The following TECRL variants were observed in gnomAD, a reference collection of about 807,000 sequenced individuals.
TECRL encodes the protein trans-2,3-enoyl-CoA reductase like.
TECRL carries 63 observed loss-of-function variants against 52.8 expected under a neutral mutation model. That is an observed-to-expected ratio of 1.19 (90% CI 0.97 to 1.47). TECRL has a LOEUF of 1.47. Ranked by LOEUF, TECRL falls within the 40% of genes most tolerant of loss-of-function variation. The probability of loss-of-function intolerance (pLI) is 0.00; values close to 1 mark genes in which losing one functional copy is unlikely to be tolerated. For synonymous variants in TECRL, 164 were observed against 141.9 expected (o/e 1.16, Z -1.10); for missense variants, 482 against 429.6 (o/e 1.12, Z -1.08).
chr4:64,399,101 T>A (rs1250060388), intron 1 of TECRL, among the ~76,000 whole-genome samples: 1 of 151,982 alleles, frequency 6.6e-6, no homozygotes, highest in East Asian at 2.0e-4. Context: ...ATGGTTTTAG[T>A]TTCTGTCTTC....
intron 6 of TECRL, among the ~76,000 whole-genome samples, chr4:64,306,499 C>T (rs1724349348): frequency 1.3e-5 from 2 of 152,088 alleles, no homozygotes; most frequent in African/African-American, 4.8e-5. Flanking sequence ...ATCATCGTTG[C>T]TCTCCCTTCT....
chr4:64,371,712 T>C (rs1199676351), intron 2 of TECRL, among the ~76,000 whole-genome samples: 1 of 151,776 alleles, frequency 6.6e-6, no homozygotes, highest in African/African-American at 2.4e-5. Flanking sequence ...AGCCACTTTA[T>C]AAAATCAACT....
intron 2 of TECRL, among the ~76,000 whole-genome samples, chr4:64,368,727 C>A (rs569361724): frequency 6.6e-6 from 1 of 152,070 alleles, no homozygotes; most frequent in African/African-American, 2.4e-5. Flanking sequence ...ATTTTTCTGG[C>A]TTTTTTTGTT....
At chr4:64,294,759 G>T (rs941720940) in intron 8 of TECRL, among the ~76,000 whole-genome samples, 8 of 151,704 alleles carry the variant, frequency 5.3e-5, no homozygotes, top group Admixed American at 5.3e-4. Flanking sequence ...TTTATCTATA[G>T]CAACAATAAT....
chr4:64,383,014 T>C (rs1722927873), intron 1 of TECRL, among the ~76,000 whole-genome samples: 1 of 152,176 alleles, frequency 6.6e-6, no homozygotes, highest in Non-Finnish European at 1.5e-5. Flanking sequence ...ATCTGGGAAA[T>C]GCCTTATTTG....
chr4:64,391,489 C>T (rs1230423482), intron 1 of TECRL, among the ~76,000 whole-genome samples: 1 of 151,830 alleles, frequency 6.6e-6, no homozygotes, highest in Non-Finnish European at 1.5e-5. Context: ...ACTGTGTCTA[C>T]CCCATTAATA....
intron 6 of TECRL, among the ~76,000 whole-genome samples, chr4:64,308,325 A>G (rs1031238402): frequency 1.3e-5 from 2 of 152,156 alleles, no homozygotes; most frequent in Admixed American, 1.3e-4. Context: ...TGAGATGCAT[A>G]CTAAATTGAT....
At chr4:64,310,079 T>A (rs1724582291) in intron 5 of TECRL, 148 bp from the exon 6 acceptor site, 1 of 535,998 alleles carries the variant, frequency 1.9e-6, no homozygotes. Flanking sequence ...CTTGCTTTAA[T>A]ATTTTATTTT....
chr4:64,352,568 A>G (rs1720472598), intron 2 of TECRL, among the ~76,000 whole-genome samples: 1 of 152,242 alleles, frequency 6.6e-6, no homozygotes. Context: ...TGTTACATGT[A>G]TCACCAATAT....
At chr4:64,320,264 T>C (rs911273290) in intron 4 of TECRL, among the ~76,000 whole-genome samples, 1 of 151,930 alleles carries the variant, frequency 6.6e-6, no homozygotes, top group Non-Finnish European at 1.5e-5. Context: ...AATATTAAAA[T>C]CTTAATTTTA....
intron 2 of TECRL, among the ~76,000 whole-genome samples, chr4:64,374,621 C>A (rs1374687448): frequency 1.3e-5 from 2 of 150,924 alleles, no homozygotes; most frequent in Non-Finnish European, 3.0e-5. Flanking sequence ...TCCATGTGTT[C>A]TCATTGTTCA....
intron 2 of TECRL, among the ~76,000 whole-genome samples, chr4:64,367,720 G>A (rs1721698698): frequency 6.6e-6 from 1 of 151,980 alleles, no homozygotes; most frequent in Admixed American, 6.6e-5. Flanking sequence ...AATAATAACA[G>A]TATATGGTAT....
At chr4:64,298,335 G>A (rs1433203087) in intron 8 of TECRL, among the ~76,000 whole-genome samples, 1 of 151,072 alleles carries the variant, frequency 6.6e-6, no homozygotes, top group African/African-American at 2.4e-5. Context: ...GCCTGGGGCT[G>A]TATGAAATAT....
chr4:64,324,853 T>C (rs1356535789), intron 3 of TECRL, among the ~76,000 whole-genome samples: 3 of 152,150 alleles, frequency 2.0e-5, no homozygotes, highest in African/African-American at 4.8e-5. Context: ...TAAGAACACA[T>C]GTGTGGTAGG....
intron 1 of TECRL, among the ~76,000 whole-genome samples, chr4:64,398,915 G>A (rs1475715380): frequency 6.6e-6 from 1 of 152,128 alleles, no homozygotes; most frequent in Non-Finnish European, 1.5e-5. Flanking sequence ...ACTGGGAACT[G>A]GATAAAAGGT....
intron 6 of TECRL, among the ~76,000 whole-genome samples, chr4:64,305,953 C>T (rs1724311633): frequency 6.6e-6 from 1 of 152,120 alleles, no homozygotes; most frequent in South Asian, 2.1e-4. Flanking sequence ...GCTACTCTGC[C>T]TTACACACTC....
At chr4:64,296,072 A>G (rs752583858) in intron 8 of TECRL, among the ~76,000 whole-genome samples, 1 of 151,976 alleles carries the variant, frequency 6.6e-6, no homozygotes, top group Non-Finnish European at 1.5e-5. Flanking sequence ...ATTGGTACCT[A>G]TCAATGGTAG....
chr4:64,284,641 A>C (rs1483183937), intron 9 of TECRL, among the ~76,000 whole-genome samples: 1 of 152,098 alleles, frequency 6.6e-6, no homozygotes, highest in African/African-American at 2.4e-5. Context: ...TACAGTACTT[A>C]ATTGTTCATG....
At chr4:64,358,766 C>T (rs944446897) in intron 2 of TECRL, among the ~76,000 whole-genome samples, 6 of 151,540 alleles carry the variant, frequency 4.0e-5, no homozygotes, top group Non-Finnish European at 8.9e-5. Flanking sequence ...GGCATTGACG[C>T]AATATTATTT....
Sources: gnomAD v4.1 joint callset for allele counts (sites outside exome capture counted in the v4.1 genomes callset) on GRCh38, gnomAD v4.1.1 for gene constraint, MANE v1.5 for transcripts, NCBI Gene and HGNC (gene_info 2026-07-23, HGNC 2026-07-21) for gene names.